Variants in AP2S1 observed in about 807,000 individuals in gnomAD.
The protein encoded by AP2S1 is adaptor related protein complex 2 subunit sigma 1, also known as AP-2 complex subunit sigma.
A neutral mutation model predicts 21.0 loss-of-function variants in AP2S1; 6 were observed. That is an observed-to-expected ratio of 0.29 (90% confidence interval 0.16 to 0.56). The LOEUF (loss-of-function observed/expected upper bound fraction) is 0.56, where lower values mean the gene tolerates loss of function less well. AP2S1 is among the 20% of genes least tolerant of loss of function. The probability of loss-of-function intolerance (pLI) is 0.92; values close to 1 mark genes in which losing one functional copy is unlikely to be tolerated. For missense variants in AP2S1, 60 were observed against 186.2 expected, an observed-to-expected ratio of 0.32 and a Z score of 3.95; for synonymous variants, 63 against 74.6, an observed-to-expected ratio of 0.84 and a Z score of 0.80.
chr19:46,847,818 A>G (rs1326857089), intron 1 of AP2S1, among the ~76,000 whole-genome samples: 1 of 152,164 alleles, frequency 6.6e-6, no homozygotes, highest in African/African-American at 2.4e-5. Context: ...TTGGATGGAT[A>G]AGGCCGTACT....
chr19:46,840,539 C>G (rs1168563300), intron 2 of AP2S1, among the ~76,000 whole-genome samples: 1 of 151,484 alleles, frequency 6.6e-6, no homozygotes, highest in Non-Finnish European at 1.5e-5. Context: ...ACTCGGGAGG[C>G]TGAGGTGGGG....
chr19:46,845,732 T>C lies in AP2S1; in HGVS notation c.153+261A>G, dbSNP rs564694592. ...GCAGAACAAAAAGGCAAAATATTAA[T>C]ACTGATTAAATCTGGGTAGTAGGTA... On this transcript the variant is annotated intron_variant, in intron 2 of 4. Transcript: ENST00000263270. 1,149 of 366,224 alleles carry C rather than the reference T, an allele frequency of 3.1e-3. 7 individuals are homozygous for C. Among genetic ancestry groups the C allele is most frequent in the Admixed American group, 7.1e-3 (173 of 24,438 alleles). 22.7% of individuals were successfully genotyped at this position (366,224 alleles called of 1,614,324 possible). A position where few individuals can be genotyped will look rare whatever the true frequency, so the allele number is the denominator to read the frequency against.
chr19:46,850,591 A>G, intron 1 of AP2S1, 173 bp downstream of exon 1: 1 of 657,312 alleles, frequency 1.5e-6, no homozygotes, highest in Non-Finnish European at 2.5e-6. Context: ...CGCGCGCAGA[A>G]TCACCGCCCT....
intron 2 of AP2S1, among the ~76,000 whole-genome samples, chr19:46,839,811 G>T (rs1463803122): frequency 7.7e-6 from 1 of 129,274 alleles, no homozygotes; most frequent in Non-Finnish European, 1.7e-5. Flanking sequence ...CCCAAAGAGG[G>T]TGCCTAACCC....
At chr19:46,849,010 C>CTT (rs59512372) in intron 1 of AP2S1, among the ~76,000 whole-genome samples, 1 of 56,164 alleles carries the variant, frequency 1.8e-5, no homozygotes, top group Non-Finnish European at 3.1e-5. Flanking sequence ...TGTGCCCAGC[C>CTT]TTTTTTTTTT....
chr19:46,839,943 C>T (rs900076469), intron 2 of AP2S1, among the ~76,000 whole-genome samples: 19 of 152,134 alleles, frequency 1.2e-4, no homozygotes, highest in Non-Finnish European at 2.2e-4. Flanking sequence ...GGGAGCCTGA[C>T]GTGTTCAATA....
intron 2 of AP2S1, 107 bp from the exon 3 acceptor site, chr19:46,839,685 C>T (rs1296582941): frequency 3.3e-6 from 5 of 1,535,164 alleles, no homozygotes; most frequent in Admixed American, 3.8e-5. Context: ...GTCCCGAGGC[C>T]CAGCTCTGTG....
intron 1 of AP2S1, among the ~76,000 whole-genome samples, chr19:46,849,194 C>T (rs928501291): frequency 3.3e-5 from 5 of 151,316 alleles, no homozygotes; most frequent in South Asian, 2.1e-4. Context: ...TTAGTAGAGA[C>T]GGGGTCTCAC....
At chr19:46,843,979 C>T (rs1309451392) in intron 2 of AP2S1, among the ~76,000 whole-genome samples, 2 of 152,002 alleles carry the variant, frequency 1.3e-5, no homozygotes, top group Admixed American at 6.6e-5. Context: ...GGCACGATCT[C>T]GGCTCACTGC....
intron 2 of AP2S1, among the ~76,000 whole-genome samples, chr19:46,839,951 A>G (rs982980365): frequency 6.6e-5 from 10 of 152,204 alleles, no homozygotes; most frequent in African/African-American, 2.2e-4. Flanking sequence ...GACGTGTTCA[A>G]TAGTGTCCAT....
At chr19:46,850,422 C>CGTG (rs2055717727) in intron 1 of AP2S1, 4 of 998,998 alleles carry the variant, frequency 4.0e-6, no homozygotes, top group Non-Finnish European at 5.2e-6. Context: ...ACGCCCTCTC[C>CGTG]CCACCTCCAA....
chr19:46,839,527 T>C lies in AP2S1; in HGVS notation c.205A>G (p.Ile69Val), dbSNP rs2055478520. The C allele has an allele frequency of 5.6e-6, 9 of 1,605,292 alleles. No individual in the cohort carries two copies. The highest frequency in any genetic ancestry group is 1.3e-5 in the African/African-American group (1 of 74,392). The change falls in exon 3 of 5, where the codon ATC (isoleucine) becomes GTC (valine). Residue 69 changes from isoleucine to valine, a missense_variant. Coordinates refer to ENST00000263270, the MANE Select transcript of AP2S1 (RefSeq NM_004069.6). ...TTGTTGTCATTGACATCCACACAGA[T>C]GCAGAAGTAGAGGCCAGCATAGCGG... ...YRRYAGLYFC[I>V]CVDVNDNNLA... is the part of the protein sequence containing the mutation.
intron 3 of AP2S1, among the ~76,000 whole-genome samples, 162 bp downstream of exon 3, chr19:46,839,286 CAAAAAAAAAAAAAAAAA>C (rs771792607): frequency 4.1e-5 from 3 of 72,954 alleles, no homozygotes; most frequent in Non-Finnish European, 7.9e-5. Context: ...GACTCCGTCT[CAAAAAAAAAAAAAAAAA>C]AAAAAAAAAA....
intron 2 of AP2S1, among the ~76,000 whole-genome samples, chr19:46,841,779 G>A (rs1261666027): frequency 6.6e-6 from 1 of 152,248 alleles, no homozygotes; most frequent in African/African-American, 2.4e-5. Flanking sequence ...GTCTCAACTT[G>A]TGACGAAGTT....
chr19:46,846,164 G>C, intron 1 of AP2S1, 22 bp from the exon 2 acceptor site: 2 of 1,613,524 alleles, frequency 1.2e-6, no homozygotes, highest in South Asian at 2.2e-5. Context: ...AGGAGGAGAA[G>C]GAGGAAGTGA....
At chr19:46,849,689 C>A (rs563633015) in intron 1 of AP2S1, among the ~76,000 whole-genome samples, 1 of 152,056 alleles carries the variant, frequency 6.6e-6, no homozygotes, top group Non-Finnish European at 1.5e-5. Context: ...CCTCTAGATG[C>A]CCCCCAACCT....
intron 2 of AP2S1, chr19:46,845,761 G>A (rs368869804): frequency 6.1e-6 from 3 of 489,954 alleles, no homozygotes; most frequent in Non-Finnish European, 1.1e-5. Context: ...GTAGGTATAC[G>A]AATCTCCAAT....
At chr19:46,841,630 G>A (rs1212055745) in intron 2 of AP2S1, among the ~76,000 whole-genome samples, 1 of 152,220 alleles carries the variant, frequency 6.6e-6, no homozygotes. Context: ...GAGCCTGTGG[G>A]GGAAGCTGGA....
rs1227380458 is a variant in AP2S1, at chr19:46,838,406, A to T, written c.*41T>A. The T allele has an allele frequency of 6.3e-7, 1 of 1,596,698 alleles. No homozygotes were observed. Among genetic ancestry groups the T allele is most frequent in the Non-Finnish European group, 8.6e-7 (1 of 1,165,232 alleles). On this transcript the variant is annotated 3_prime_UTR_variant, in exon 5 of 5. Coordinates refer to ENST00000263270, the MANE Select transcript of AP2S1 (RefSeq NM_004069.6). This position sits in a 1 kb window ranked among gnomAD's most constrained non-coding sequence, Gnocchi z 4.1. ...CCTGGGAAGGGGAAGCGAGCAGGCGAGTCCAGGAGGGGCCGGGGCCGGGGT... is the reference window on the plus strand; with the variant it reads ...CCTGGGAAGGGGAAGCGAGCAGGCGTGTCCAGGAGGGGCCGGGGCCGGGGT...
Sources: gnomAD v4.1 joint callset for allele counts (sites outside exome capture counted in the v4.1 genomes callset) on GRCh38, gnomAD v4.1.1 for gene constraint, Gnocchi (gnomAD v3.1) non-coding constraint, MANE v1.5 for transcripts, NCBI Gene and HGNC (gene_info 2026-07-23, HGNC 2026-07-21) for gene names.